The following CRACDL variants were observed in gnomAD, a reference collection of about 807,000 sequenced individuals.
The protein encoded by CRACDL is CRACD like.
Under a neutral mutation model 70.6 loss-of-function variants are expected in CRACDL, and 26 were observed. That is an observed-to-expected ratio of 0.37 (90% CI 0.27 to 0.51). The LOEUF (loss-of-function observed/expected upper bound fraction) is 0.51. Ranked by LOEUF, CRACDL falls within the 20% of genes least tolerant of loss-of-function variation. CRACDL has a pLI of 0.94. For missense variants in CRACDL, 1,283 were observed against 1,376.9 expected (o/e 0.93, Z 1.08); for synonymous variants, 618 against 615.2 (o/e 1.00, Z -0.07).
At chr2:98,869,651 CCT>C (rs1031347272) in intron 1 of CRACDL, among the ~76,000 whole-genome samples, 1 of 152,184 alleles carries the variant, frequency 6.6e-6, no homozygotes, top group Non-Finnish European at 1.5e-5. Flanking sequence ...CCAGGGCTCT[CCT>C]CTCTCATTCC....
intron 1 of CRACDL, among the ~76,000 whole-genome samples, chr2:98,931,852 T>TCCCCC (rs1709087698): frequency 6.6e-6 from 1 of 152,148 alleles, no homozygotes; most frequent in Admixed American, 6.5e-5. Context: ...TTTCCCATCA[T>TCCCCC]TTCACTGCTA....
intron 1 of CRACDL, among the ~76,000 whole-genome samples, chr2:98,900,303 C>T (rs549903478): frequency 5.0e-5 from 5 of 100,952 alleles, no homozygotes; most frequent in East Asian, 6.0e-4. Flanking sequence ...GACAGAGGCT[C>T]AGTAGGAGGG....
intron 7 of CRACDL, among the ~76,000 whole-genome samples, chr2:98,814,036 G>A (rs1026444639): frequency 5.9e-5 from 9 of 152,112 alleles, no homozygotes; most frequent in African/African-American, 2.2e-4. Context: ...GGAGTCAGTA[G>A]TGGCACTCCA....
rs1559214205 is a variant in CRACDL at position 98,822,638 on chromosome 2, G to GGCTCGCTCC, written c.1634_1635insGGAGCGAGC (p.Arg544_Glu546dup). 1 of 1,363,624 alleles carries GGCTCGCTCC rather than the reference G, an allele frequency of 7.3e-7. No individual in the cohort carries two copies. Among genetic ancestry groups the GGCTCGCTCC allele is most frequent in the African/African-American group, 1.5e-5 (1 of 64,802 alleles). 84.5% of individuals were successfully genotyped at this position (1,363,624 alleles called of 1,614,324 possible). ...TCTCGGCGCCCGCCGGTGGCGCCTC[G>GGCTCGCTCC]GCTCGCTCGGCCTTGGGGCGCTCCG... On this transcript the variant is annotated inframe_insertion, in exon 7 of 10. Transcript: ENST00000397899. This position sits in a 1 kb window ranked among gnomAD's most constrained non-coding sequence, Gnocchi z 4.9.
intron 1 of CRACDL, among the ~76,000 whole-genome samples, chr2:98,877,210 A>G (rs995527857): frequency 6.6e-6 from 1 of 152,174 alleles, no homozygotes; most frequent in African/African-American, 2.4e-5. Context: ...CGACTTTACC[A>G]CTAACAAGCT....
chr2:98,898,469 A>G (rs1235849887), intron 1 of CRACDL, among the ~76,000 whole-genome samples: 2 of 152,246 alleles, frequency 1.3e-5, no homozygotes, highest in Non-Finnish European at 2.9e-5. Context: ...AGCTCTTCGC[A>G]TCACAGTCAG....
chr2:98,880,448 G>A (rs1159796555), intron 1 of CRACDL, among the ~76,000 whole-genome samples: 1 of 152,166 alleles, frequency 6.6e-6, no homozygotes, highest in Admixed American at 6.5e-5. Flanking sequence ...CAGGCAACTC[G>A]GAGTTGTGAC....
intron 1 of CRACDL, among the ~76,000 whole-genome samples, chr2:98,930,980 C>A (rs984012122): frequency 3.9e-5 from 6 of 152,106 alleles, no homozygotes; most frequent in African/African-American, 1.4e-4. Context: ...CACCCCCCCA[C>A]CCCATCTAAG....
At chr2:98,841,557 T>C (rs947668787) in intron 2 of CRACDL, among the ~76,000 whole-genome samples, 1 of 152,176 alleles carries the variant, frequency 6.6e-6, no homozygotes, top group African/African-American at 2.4e-5. Context: ...TGTATCCACT[T>C]GCTTATTGTT....
chr2:98,855,340 CT>C (rs1171608367), intron 1 of CRACDL, among the ~76,000 whole-genome samples: 4 of 151,642 alleles, frequency 2.6e-5, no homozygotes, highest in African/African-American at 9.7e-5. Flanking sequence ...ATTTTCTGAG[CT>C]CACTAATAGT....
At chr2:98,895,698 T>A (rs1332748882) in intron 1 of CRACDL, among the ~76,000 whole-genome samples, 5 of 152,110 alleles carry the variant, frequency 3.3e-5, no homozygotes, top group East Asian at 1.9e-4. Context: ...AGTCAGAGGA[T>A]CTCATGATCA....
chr2:98,852,008 A>G (rs112916664), intron 1 of CRACDL, among the ~76,000 whole-genome samples: 7 of 152,114 alleles, frequency 4.6e-5, no homozygotes, highest in African/African-American at 1.7e-4. Flanking sequence ...AGGGCTTTTG[A>G]CCTGGAAAAG....
intron 1 of CRACDL, among the ~76,000 whole-genome samples, chr2:98,858,888 A>G (rs1247434203): frequency 2.0e-5 from 3 of 152,206 alleles, no homozygotes; most frequent in Non-Finnish European, 4.4e-5. Context: ...TAGACAACCT[A>G]GATGAAATAG....
intron 1 of CRACDL, among the ~76,000 whole-genome samples, chr2:98,881,098 T>C (rs13004923): frequency 0.46 from 70,488 of 152,050 alleles, 17,031 homozygotes; most frequent in African/African-American, 0.59. Flanking sequence ...TGAAACCAGA[T>C]GGACACTTCT....
chr2:98,850,376 A>C (rs1045026184), intron 1 of CRACDL, among the ~76,000 whole-genome samples: 4 of 152,194 alleles, frequency 2.6e-5, no homozygotes, highest in African/African-American at 9.6e-5. Flanking sequence ...GGGCCAAGTA[A>C]CTCGCCTTTC....
At position 98,823,148 on chromosome 2, in the gene CRACDL, C is replaced by T. The variant is rs1374072185; in HGVS notation, c.1125G>A (p.Ala375=). 10 of 1,554,422 alleles carry T rather than the reference C, an allele frequency of 6.4e-6. No homozygotes were observed. In the South Asian group the frequency reaches 1.1e-4, roughly 17 times the overall value. The stretch of plus-strand genomic sequence containing the variant: ...CCGGGGCACACGGGCCTGCGGGGGG[C>T]GCCTCCCCATCCTGCTTTCCGCCGT... The part of the protein sequence containing the change: ...GPDGGKQDGE[A]PPAGPCAPAT... Residue 375 remains alanine, a synonymous_variant, in exon 7 of 10, where the codon GCG becomes GCA. Transcript: ENST00000397899. The surrounding 1 kb of genome is among the most constrained non-coding windows in gnomAD (Gnocchi z 4.0).
At chr2:98,806,946 A>G (rs1022556100) in intron 7 of CRACDL, among the ~76,000 whole-genome samples, 1 of 152,064 alleles carries the variant, frequency 6.6e-6, no homozygotes, top group Admixed American at 6.5e-5. Context: ...CCCTTTCTCT[A>G]TTACATCTGG....
At chr2:98,897,341 T>C (rs1359918444) in intron 1 of CRACDL, 3 of 1,293,560 alleles carry the variant, frequency 2.3e-6, no homozygotes, top group Non-Finnish European at 3.1e-6. Context: ...ACAGCATCGC[T>C]AAATATATAT....
chr2:98,855,227 G>T (rs1159363828), intron 1 of CRACDL, among the ~76,000 whole-genome samples: 3 of 151,482 alleles, frequency 2.0e-5, no homozygotes, highest in African/African-American at 7.3e-5. Context: ...CAGAAGTTAG[G>T]GTGAGCCAAG....
Sources: allele counts gnomAD v4.1 joint callset (sites outside exome capture counted in the v4.1 genomes callset), GRCh38; gene constraint gnomAD v4.1.1; non-coding constraint Gnocchi (gnomAD v3.1); transcripts MANE v1.5; gene names NCBI Gene and HGNC (gene_info 2026-07-23, HGNC 2026-07-21).